The following DAPK1 variants were observed in gnomAD, a reference collection of about 807,000 sequenced individuals.
DAPK1 encodes death associated protein kinase 1.
A neutral mutation model predicts 144.9 loss-of-function variants in DAPK1; 56 were observed. The observed-to-expected ratio is 0.39, with a 90% CI of 0.31 to 0.48. The LOEUF (loss-of-function observed/expected upper bound fraction) is 0.48, where lower values mean the gene tolerates loss of function less well. Among genes scored for constraint, DAPK1 ranks in the 20% least tolerant of loss-of-function variants. The pLI is 0.95. For missense variants in DAPK1, 1,454 were observed against 1,875.4 expected (o/e 0.78, Z 4.15); for synonymous variants, 690 against 749.0 (o/e 0.92, Z 1.29).
chr9:87,548,913 C>CTTTTTTTTTTT (rs11291160), intron 2 of DAPK1, among the ~76,000 whole-genome samples: 1 of 63,870 alleles, frequency 1.6e-5, no homozygotes, highest in Non-Finnish European at 2.6e-5. Flanking sequence ...GATTTCATTC[C>CTTTTTTTTTTT]TTTTTTTTTT....
intron 18 of DAPK1, among the ~76,000 whole-genome samples, chr9:87,665,352 G>A (rs1453586808): frequency 6.6e-6 from 1 of 152,182 alleles, no homozygotes; most frequent in Admixed American, 6.5e-5. Context: ...AAAATGAATG[G>A]CACCATAGTC....
At chr9:87,563,218 A>G (rs895473222) in intron 2 of DAPK1, among the ~76,000 whole-genome samples, 1 of 152,336 alleles carries the variant, frequency 6.6e-6, no homozygotes. Context: ...AAGTACATGC[A>G]TTTGTCAGAA....
chr9:87,571,490 CACA>C (rs1827348078), intron 2 of DAPK1, among the ~76,000 whole-genome samples: 3 of 45,228 alleles, frequency 6.6e-5, no homozygotes, highest in African/African-American at 3.5e-4. Flanking sequence ...CACACACACA[CACA>C]CCCCAACACA....
chr9:87,571,468 C>CGCACCCCA (rs1292783601), intron 2 of DAPK1, among the ~76,000 whole-genome samples: 1 of 56,858 alleles, frequency 1.8e-5, no homozygotes, highest in Non-Finnish European at 3.3e-5. Context: ...CACACACACA[C>CGCACCCCA]ACACACCAAC....
At chr9:87,633,310 G>T (rs759101785) in intron 3 of DAPK1, 11 of 984,790 alleles carry the variant, frequency 1.1e-5, no homozygotes, top group Non-Finnish European at 1.3e-5. Flanking sequence ...GAAAGGGGAT[G>T]TGTACATATG....
intron 19 of DAPK1, among the ~76,000 whole-genome samples, chr9:87,678,304 C>T (rs1824477274): frequency 2.0e-5 from 3 of 152,212 alleles, no homozygotes. Flanking sequence ...TAACACAGAC[C>T]TTGTGGGAGC....
At chr9:87,640,924 A>G in intron 9 of DAPK1, 77 bp downstream of exon 9, 1 of 1,366,296 alleles carries the variant, frequency 7.3e-7, no homozygotes, top group Non-Finnish European at 1.0e-6. Context: ...CATGTATCAT[A>G]GAGTACTGCT....
chr9:87,611,747 G>A (rs753811146), intron 3 of DAPK1, among the ~76,000 whole-genome samples: 2 of 152,262 alleles, frequency 1.3e-5, no homozygotes, highest in Non-Finnish European at 1.5e-5. Context: ...GAGCCACAAC[G>A]CCCAGCCAGA....
At chr9:87,564,425 G>T (rs1827042049) in intron 2 of DAPK1, among the ~76,000 whole-genome samples, 1 of 152,136 alleles carries the variant, frequency 6.6e-6, no homozygotes, top group African/African-American at 2.4e-5. Flanking sequence ...ACTTTTTCCT[G>T]CTCTAACAGA....
rs200951613 is a variant in DAPK1, at chr9:87,708,592, GTTTT to G, written c.*1232_*1235del. On this transcript the variant is annotated 3_prime_UTR_variant, in exon 26 of 26. Transcript: ENST00000408954. ...ATAAAATGTCGTTAAAAAGTTGTTT[GTTTT>G]TTTCTTTTTTTATAAATAAACTGTT... is the stretch of plus-strand genomic sequence containing the variant. 6.6e-6 allele frequency: 1 copy of G among 152,144 alleles called. No individual in the cohort carries two copies. The highest frequency in any genetic ancestry group is 2.4e-5 in the African/African-American group (1 of 41,282). 9.4% of individuals were successfully genotyped at this position (152,144 alleles called of 1,614,324 possible).
chr9:87,511,746 T>C (rs1180385088), intron 2 of DAPK1, among the ~76,000 whole-genome samples: 1 of 151,254 alleles, frequency 6.6e-6, no homozygotes, highest in Non-Finnish European at 1.5e-5. Flanking sequence ...AGTCTCACTC[T>C]GTCACCCGGC....
At chr9:87,622,153 A>G (rs1445679036) in intron 3 of DAPK1, among the ~76,000 whole-genome samples, 2 of 151,540 alleles carry the variant, frequency 1.3e-5, no homozygotes. Flanking sequence ...ATTTCTTTGG[A>G]GTATTTTTAT....
chr9:87,670,505 G>A (rs1831215878), intron 19 of DAPK1, among the ~76,000 whole-genome samples: 1 of 152,176 alleles, frequency 6.6e-6, no homozygotes, highest in African/African-American at 2.4e-5. Flanking sequence ...TTCTTCGACA[G>A]GCCTCATAGC....
At chr9:87,635,444 C>T (rs1409954221) in intron 3 of DAPK1, among the ~76,000 whole-genome samples, 1 of 152,136 alleles carries the variant, frequency 6.6e-6, no homozygotes, top group Non-Finnish European at 1.5e-5. Flanking sequence ...GAGAGAAAGC[C>T]GGCGGCTGGG....
upstream of DAPK1, chr9:87,497,768 C>A (rs1008871639): frequency 1.0e-4 from 34 of 334,552 alleles, no homozygotes; most frequent in Admixed American, 4.9e-5. Flanking sequence ...CAGGGCAGCT[C>A]GGAGGTGGGT....
At chr9:87,531,554 T>C (rs1304944652) in intron 2 of DAPK1, among the ~76,000 whole-genome samples, 1 of 152,114 alleles carries the variant, frequency 6.6e-6, no homozygotes, top group Admixed American at 6.6e-5. Context: ...TGCAAACCTG[T>C]GCTGCAATAT....
chr9:87,607,521 A>G (rs1587764074), intron 3 of DAPK1, among the ~76,000 whole-genome samples: 3 of 152,272 alleles, frequency 2.0e-5, no homozygotes, highest in East Asian at 1.9e-4. Context: ...TCTGACCCCA[A>G]TTCATAGATA....
At chr9:87,606,121 C>G (rs555626234) in intron 3 of DAPK1, among the ~76,000 whole-genome samples, 2 of 152,326 alleles carry the variant, frequency 1.3e-5, no homozygotes, top group East Asian at 3.9e-4. Flanking sequence ...TCTTTGCGAT[C>G]CAACGGCCTC....
At chr9:87,649,779 T>A in intron 15 of DAPK1, 142 bp from the exon 16 acceptor site, 1 of 750,344 alleles carries the variant, frequency 1.3e-6, no homozygotes, top group Non-Finnish European at 2.4e-6. Context: ...CAGATTAATA[T>A]TTCACTCCAA....
Sources: allele counts gnomAD v4.1 joint callset (sites outside exome capture counted in the v4.1 genomes callset), GRCh38; gene constraint gnomAD v4.1.1; transcripts MANE v1.5; gene names NCBI Gene and HGNC (gene_info 2026-07-23, HGNC 2026-07-21).